Variants in VWA5B1 observed in about 807,000 individuals in gnomAD.
The protein encoded by VWA5B1 is von Willebrand factor A domain-containing protein 5B1.
In VWA5B1, 115 loss-of-function variants were observed where a neutral mutation model predicts 118.2. The ratio of observed to expected loss-of-function variants is 0.97; its 90% CI spans 0.84 to 1.14. The LOEUF (loss-of-function observed/expected upper bound fraction) is 1.14. VWA5B1 is among the 50% of genes most tolerant of loss of function. VWA5B1 has a pLI of 0.00. For synonymous variants in VWA5B1, 682 were observed against 658.4 expected (o/e 1.04, Z -0.55); for missense variants, 1,596 against 1,603.8 (o/e 1.00, Z 0.08).
At chr1:20,316,466 C>A (rs929286628) in intron 4 of VWA5B1, among the ~76,000 whole-genome samples, 1 of 152,094 alleles carries the variant, frequency 6.6e-6, no homozygotes, top group African/African-American at 2.4e-5. Context: ...AGTAAGAGAT[C>A]GAGGGAGACT....
intron 1 of VWA5B1, among the ~76,000 whole-genome samples, chr1:20,304,698 AAG>A (rs2100815095): frequency 6.6e-6 from 1 of 151,964 alleles, no homozygotes; most frequent in South Asian, 2.1e-4. Flanking sequence ...GGGAAGAGAG[AAG>A]AGAGGATTGC....
rs535222705 is a variant in VWA5B1 at position 20,337,191 on chromosome 1, G to A, written c.1943-455G>A. Among the ~76,000 whole-genome samples the A allele has an allele frequency of 3.3e-5, 5 of 152,176 alleles. No individual in the cohort carries two copies. In the East Asian group the frequency reaches 5.8e-4, roughly 18 times the overall value. ...CACCCAGGCTGGAGTGCAGTGGTAC[G>A]ATCTCTGTTCACTGCAACCTCCACC... On this transcript the variant is annotated intron_variant, in intron 13 of 21. Transcript: ENST00000289815.
intron 20 of VWA5B1, among the ~76,000 whole-genome samples, chr1:20,351,150 C>A (rs967233694): frequency 1.3e-5 from 2 of 152,202 alleles, no homozygotes; most frequent in Admixed American, 6.5e-5. Context: ...AGATCTCTTT[C>A]CAAATGCAAG....
Position 20,319,499 on chromosome 1 carries a change from A to G in VWA5B1, c.959A>G (p.Glu320Gly). The part of the protein sequence containing the change: ...IKGMKKKSRA[E>G]RKTEIIRKRL... Reference sequence around the variant, plus strand: ...GGGATGAAGAAGAAGAGCAGAGCAGAGCGGAAGGTGAGGGCAACTGAGGTG... The same window carrying G: ...GGGATGAAGAAGAAGAGCAGAGCAGGGCGGAAGGTGAGGGCAACTGAGGTG... The change falls in exon 7 of 22, where the codon GAG (glutamate) becomes GGG (glycine). Residue 320 changes from glutamate to glycine, a missense_variant. By Grantham distance (98) the Glu-to-Gly change is moderately conservative. Coordinates refer to ENST00000289815, the MANE Select transcript of VWA5B1 (RefSeq NM_001039500.3). The G allele has an allele frequency of 6.4e-7, 1 of 1,551,688 alleles. No homozygotes were observed. The highest frequency in any genetic ancestry group is 8.7e-7 in the Non-Finnish European group (1 of 1,146,996).
rs376209060 is a variant in VWA5B1 at position 20,322,240 on chromosome 1, T to A, written c.967-1116T>A. On this transcript the variant is annotated intron_variant, in intron 7 of 21. Transcript: ENST00000289815. ...GTTTGAACAACTGGGTGGGTGGTGATGTCATCTATTGAGATGGGGAAGGAA... is the reference window on the plus strand; with the variant it reads ...GTTTGAACAACTGGGTGGGTGGTGAAGTCATCTATTGAGATGGGGAAGGAA... 1.4e-4 allele frequency among the ~76,000 whole-genome samples: 21 copies of A among 152,230 alleles called. No homozygotes were observed. In the South Asian group the frequency reaches 4.4e-3, roughly 32 times the overall value.
At chr1:20,329,312 T>TTG (rs1557854352) in intron 9 of VWA5B1, among the ~76,000 whole-genome samples, 6 of 114,728 alleles carry the variant, frequency 5.2e-5, no homozygotes, top group African/African-American at 1.5e-4. Context: ...TTTTTTTTTT[T>TTG]TTTTGAGATG....
chr1:20,309,840 AAGGG>A (rs959933472), intron 1 of VWA5B1, among the ~76,000 whole-genome samples: 11 of 150,176 alleles, frequency 7.3e-5, no homozygotes, highest in South Asian at 2.1e-4. Flanking sequence ...GGTGGCCATG[AAGGG>A]AGGATGTGGA....
chr1:20,350,766 CCT>C, intron 19 of VWA5B1, 89 bp from the exon 20 acceptor site: 1 of 1,243,674 alleles, frequency 8.0e-7, no homozygotes, highest in Non-Finnish European at 1.2e-6. Flanking sequence ...AGCACCTGCC[CCT>C]CTCTAGGCCT....
chr1:20,342,727 C>T (rs1300248590), intron 15 of VWA5B1, 118 bp downstream of exon 15: 3 of 1,266,898 alleles, frequency 2.4e-6, no homozygotes, highest in African/African-American at 1.5e-5. Context: ...TTGTGGTCTG[C>T]TGCGGCTCAC....
intron 12 of VWA5B1, among the ~76,000 whole-genome samples, chr1:20,333,548 C>T (rs1018704147): frequency 6.6e-6 from 1 of 152,200 alleles, no homozygotes; most frequent in Non-Finnish European, 1.5e-5. Context: ...AGGATAAAGC[C>T]CAGGAAACTG....
chr1:20,302,217 T>C (rs1193214926), intron 1 of VWA5B1, among the ~76,000 whole-genome samples: 2 of 151,986 alleles, frequency 1.3e-5, no homozygotes, highest in Non-Finnish European at 2.9e-5. Context: ...AGCCTGAGCA[T>C]TCTGTGCCTT....
intron 4 of VWA5B1, 118 bp downstream of exon 4, chr1:20,314,710 C>G (rs1570099159): frequency 6.9e-7 from 1 of 1,457,110 alleles, no homozygotes; most frequent in South Asian, 1.4e-5. Flanking sequence ...AGGCTCTGCT[C>G]TACGATTGCC....
chr1:20,348,698 G>A (rs1392233763), intron 18 of VWA5B1, among the ~76,000 whole-genome samples: 1 of 152,214 alleles, frequency 6.6e-6, no homozygotes, highest in Non-Finnish European at 1.5e-5. Flanking sequence ...CCAACTGCCA[G>A]GAAACCTAAT....
At chr1:20,292,173 C>A (rs2088321989) in intron 1 of VWA5B1, among the ~76,000 whole-genome samples, 1 of 151,482 alleles carries the variant, frequency 6.6e-6, no homozygotes, top group South Asian at 2.1e-4. Flanking sequence ...TCTTTCCTCC[C>A]CCCCTCCTGT....
At chr1:20,297,319 G>A (rs1399168947) in intron 1 of VWA5B1, among the ~76,000 whole-genome samples, 2 of 152,252 alleles carry the variant, frequency 1.3e-5, no homozygotes, top group Non-Finnish European at 2.9e-5. Flanking sequence ...GCCTCTAACG[G>A]AGGCTCCTTG....
intron 12 of VWA5B1, among the ~76,000 whole-genome samples, chr1:20,333,516 G>A (rs536757059): frequency 6.6e-6 from 1 of 152,162 alleles, no homozygotes; most frequent in African/African-American, 2.4e-5. Flanking sequence ...TTCCACCCAG[G>A]TCTGTTGAAT....
intron 7 of VWA5B1, among the ~76,000 whole-genome samples, chr1:20,321,157 G>A (rs1002422774): frequency 6.7e-6 from 1 of 149,080 alleles, no homozygotes; most frequent in Non-Finnish European, 1.5e-5. Context: ...ACAGGTCATT[G>A]GCAGACAAAA....
intron 2 of VWA5B1, among the ~76,000 whole-genome samples, chr1:20,312,179 C>T (rs1278998534): frequency 6.6e-6 from 1 of 152,230 alleles, no homozygotes; most frequent in Non-Finnish European, 1.5e-5. Flanking sequence ...TGCAGGACGT[C>T]TGGCCCTACC....
intron 12 of VWA5B1, among the ~76,000 whole-genome samples, 197 bp downstream of exon 12, chr1:20,333,148 T>C (rs139053802): frequency 6.6e-6 from 1 of 152,304 alleles, no homozygotes; most frequent in East Asian, 1.9e-4. Context: ...ATGGCTAAGG[T>C]AGATGCCACC....
Sources: gnomAD v4.1 joint callset for allele counts (sites outside exome capture counted in the v4.1 genomes callset) on GRCh38, gnomAD v4.1.1 for gene constraint, MANE v1.5 for transcripts, NCBI Gene and HGNC (gene_info 2026-07-23, HGNC 2026-07-21) for gene names.